DLGAP2: variants seen among roughly 807,000 people sequenced by gnomAD.
The protein encoded by DLGAP2 is DLG associated protein 2, also known as disks large-associated protein 2.
In DLGAP2, 26 loss-of-function variants were observed where a neutral mutation model predicts 100.3. That is an observed-to-expected ratio of 0.26 (90% CI 0.19 to 0.36). The LOEUF is 0.36. Among genes scored for constraint, DLGAP2 ranks in the 10% least tolerant of loss-of-function variants. The probability of loss-of-function intolerance (pLI) is 1.00; values close to 1 mark genes in which losing one functional copy is unlikely to be tolerated. For synonymous variants in DLGAP2, 886 were observed against 630.1 expected (o/e 1.41, Z -6.08); for missense variants, 1,858 against 1,453.2 (o/e 1.28, Z -4.53).
At chr8:1,525,007 A>G (rs959998980) in intron 4 of DLGAP2, among the ~76,000 whole-genome samples, 4 of 151,902 alleles carry the variant, frequency 2.6e-5, no homozygotes, top group Non-Finnish European at 2.9e-5. Flanking sequence ...GGAGCAGCCA[A>G]TCCTTTCCCT....
intron 2 of DLGAP2, among the ~76,000 whole-genome samples, chr8:1,203,050 C>A (rs1310877654): frequency 6.6e-6 from 1 of 152,194 alleles, no homozygotes; most frequent in African/African-American, 2.4e-5. Flanking sequence ...CACGCCGGTT[C>A]CGTAAGCTGC....
intron 2 of DLGAP2, among the ~76,000 whole-genome samples, chr8:989,415 G>C (rs770194521): frequency 7.9e-5 from 12 of 152,120 alleles, no homozygotes; most frequent in Non-Finnish European, 1.6e-4. Flanking sequence ...TGAATCGGCC[G>C]CACTTGTGTT....
chr8:1,146,508 C>G (rs1796607793), intron 2 of DLGAP2, among the ~76,000 whole-genome samples: 1 of 152,186 alleles, frequency 6.6e-6, no homozygotes, highest in Non-Finnish European at 1.5e-5. Context: ...CCATTAGGTT[C>G]TGGAAGCGTT....
At chr8:1,365,831 G>A (rs1288097290) in intron 3 of DLGAP2, among the ~76,000 whole-genome samples, 1 of 152,246 alleles carries the variant, frequency 6.6e-6, no homozygotes, top group African/African-American at 2.4e-5. Context: ...GCCCTGGGGG[G>A]CCGCAGCTCA....
chr8:1,564,219 C>T (rs192593378), intron 5 of DLGAP2, among the ~76,000 whole-genome samples: 4 of 152,220 alleles, frequency 2.6e-5, no homozygotes, highest in East Asian at 3.9e-4. Context: ...GCTAATGAAC[C>T]GTGGGGAAAA....
At chr8:815,553 T>A (rs1316665442) in intron 1 of DLGAP2, among the ~76,000 whole-genome samples, 2 of 152,250 alleles carry the variant, frequency 1.3e-5, no homozygotes, top group African/African-American at 2.4e-5. Context: ...AATATTCTGA[T>A]GTATCTCTGT....
chr8:1,548,996 G>T lies in DLGAP2; in HGVS notation c.543G>T (p.Ala181=), dbSNP rs749047584. Residue 181 remains alanine, a synonymous_variant, in exon 5 of 15, where the codon GCG becomes GCT. Transcript: ENST00000637795. ...GCGACGACTGCGCTGTGGCCCACGC[G>T]GGCGCCAAGATCAACCGCATCCCGG... The part of the protein sequence containing the change: ...DTRDDCAVAH[A]GAKINRIPAN... 2 of 1,599,000 alleles carry T rather than the reference G, an allele frequency of 1.3e-6. No homozygotes were observed. The highest frequency in any genetic ancestry group is 1.3e-5 in the African/African-American group (1 of 74,894).
intron 6 of DLGAP2, among the ~76,000 whole-genome samples, chr8:1,607,817 T>C (rs9314434): frequency 1.3e-5 from 2 of 151,604 alleles, no homozygotes; most frequent in African/African-American, 4.8e-5. Flanking sequence ...CACCCGAATA[T>C]TGCGCTTTTC....
At chr8:878,976 A>G (rs1249197525) in intron 1 of DLGAP2, among the ~76,000 whole-genome samples, 1 of 152,240 alleles carries the variant, frequency 6.6e-6, no homozygotes, top group Non-Finnish European at 1.5e-5. Flanking sequence ...TGGCTTTTAG[A>G]GTCCTGGGAC....
chr8:982,056 A>G (rs778094047), intron 2 of DLGAP2, among the ~76,000 whole-genome samples: 4 of 152,118 alleles, frequency 2.6e-5, no homozygotes, highest in African/African-American at 9.7e-5. Flanking sequence ...CTGGCTAACC[A>G]TGTCTCCTCT....
At chr8:1,600,053 G>T (rs1245403160) in intron 6 of DLGAP2, among the ~76,000 whole-genome samples, 1 of 152,122 alleles carries the variant, frequency 6.6e-6, no homozygotes, top group Non-Finnish European at 1.5e-5. Flanking sequence ...AGGAGCTCTT[G>T]TAAGGCAGGC....
Position 1,168,144 on chromosome 8 carries a change from T to A in DLGAP2, c.74-90707T>A, listed in dbSNP as rs865893601. 4.0e-5 allele frequency among the ~76,000 whole-genome samples: 6 copies of A among 149,730 alleles called. No individual in the cohort carries two copies. The South Asian group carries it at 8.7e-4, about 22-fold the overall frequency. On this transcript the variant is annotated intron_variant, in intron 2 of 14. Transcript: ENST00000637795. ...AGAATCTGCGGTGTTTGGTTTTTTG[T>A]TCTTGCCATAGTTTACTGAGAATGA...
At chr8:1,528,671 C>T (rs771344421) in intron 4 of DLGAP2, among the ~76,000 whole-genome samples, 2 of 152,196 alleles carry the variant, frequency 1.3e-5, no homozygotes, top group Non-Finnish European at 2.9e-5. Flanking sequence ...GCCATTGCAG[C>T]TGTAGGGACA....
chr8:1,543,842 C>T (rs1041170531), intron 4 of DLGAP2, among the ~76,000 whole-genome samples: 1 of 152,084 alleles, frequency 6.6e-6, no homozygotes, highest in Non-Finnish European at 1.5e-5. Flanking sequence ...GTAAGTCTTG[C>T]TTAATTTCTT....
intron 3 of DLGAP2, among the ~76,000 whole-genome samples, chr8:1,319,713 A>G (rs1330667963): frequency 3.9e-5 from 6 of 152,196 alleles, no homozygotes; most frequent in African/African-American, 1.4e-4. Flanking sequence ...AAAAGATGTC[A>G]GAACGATGGG....
At chr8:1,589,316 G>A (rs1211417759) in intron 6 of DLGAP2, among the ~76,000 whole-genome samples, 2 of 152,210 alleles carry the variant, frequency 1.3e-5, no homozygotes, top group African/African-American at 2.4e-5. Flanking sequence ...AGTTACCATA[G>A]TAATAAATTT....
rs1309987896 is a variant in DLGAP2 at position 780,346 on chromosome 8, G to A, written c.18+42521G>A. On this transcript the variant is annotated intron_variant, in intron 1 of 14. Transcript: ENST00000637795. ...TTTCTTTTTCTTTTAAAGCCAACTG[G>A]CATTCCACTGTGCACACACCACGTT... Among the ~76,000 whole-genome samples, 5 of 152,262 alleles carry A rather than the reference G, an allele frequency of 3.3e-5. No homozygotes were observed. In the East Asian group the frequency reaches 7.7e-4, roughly 24 times the overall value.
At chr8:1,332,067 G>A (rs1229889603) in intron 3 of DLGAP2, among the ~76,000 whole-genome samples, 2 of 152,212 alleles carry the variant, frequency 1.3e-5, no homozygotes, top group Non-Finnish European at 2.9e-5. Context: ...CCTCTGTGAG[G>A]GGTTTCCATG....
At chr8:1,036,339 G>A (rs901579713) in intron 2 of DLGAP2, among the ~76,000 whole-genome samples, 2 of 152,260 alleles carry the variant, frequency 1.3e-5, no homozygotes, top group Non-Finnish European at 2.9e-5. Context: ...TGCTGCAGTG[G>A]ATGCTGGCTT....
Sources: gnomAD v4.1 joint callset for allele counts (sites outside exome capture counted in the v4.1 genomes callset) on GRCh38, gnomAD v4.1.1 for gene constraint, MANE v1.5 for transcripts, NCBI Gene and HGNC (gene_info 2026-07-23, HGNC 2026-07-21) for gene names.